Variants in GAB4 observed in about 807,000 individuals in gnomAD.
GAB4 encodes GRB2 associated binding protein family member 4, also known as GRB2-associated-binding protein 4.
GAB4 carries 26 observed loss-of-function variants against 51.3 expected under a neutral mutation model. The observed-to-expected ratio is 0.51, with a 90% CI of 0.37 to 0.70. The LOEUF (loss-of-function observed/expected upper bound fraction) is 0.70, where lower values mean the gene tolerates loss of function less well. GAB4 is among the 30% of genes least tolerant of loss of function. The probability of loss-of-function intolerance (pLI) is 0.00; values close to 1 mark genes in which losing one functional copy is unlikely to be tolerated. For synonymous variants in GAB4, 329 were observed against 291.2 expected, an observed-to-expected ratio of 1.13 and a Z score of -1.32; for missense variants, 759 against 734.6, an observed-to-expected ratio of 1.03 and a Z score of -0.38.
chr22:16,997,995 A>G (rs1200872944), intron 1 of GAB4, among the ~76,000 whole-genome samples: 19 of 152,038 alleles, frequency 1.2e-4, no homozygotes, highest in South Asian at 4.1e-4. Flanking sequence ...GTTCTGTTCC[A>G]TTGGTCTATA....
intron 3 of GAB4, among the ~76,000 whole-genome samples, chr22:16,983,953 G>A (rs892432629): frequency 2.0e-5 from 3 of 151,890 alleles, no homozygotes; most frequent in Non-Finnish European, 4.4e-5. Context: ...CTGACAAATG[G>A]GATTATATCA....
Position 16,988,105 on chromosome 22 carries a change from A to G in GAB4, c.541T>C (p.Cys181Arg), listed in dbSNP as rs2060883965. ...TCTTGGGGGAGGTGCTGATGGGAGC[A>G]GCTGGGCTCAGCTGGAGAAGAGCAG... ...GLCSSPAEPSCSHQHLPQEQE... is the reference protein window; with the variant it reads ...GLCSSPAEPSRSHQHLPQEQE... The change falls in exon 3 of 10, where the codon TGC (cysteine) becomes CGC (arginine). Residue 181 changes from cysteine to arginine, a missense_variant. By Grantham distance (180) the Cys-to-Arg change is radical. This residue lies in a region of GAB4 where 588 missense variants were observed against 510.2 expected (regional missense o/e 1.15). Coordinates refer to ENST00000400588, the MANE Select transcript of GAB4 (RefSeq NM_001037814.1). 6.2e-7 allele frequency: 1 copy of G among 1,611,560 alleles called. No individual in the cohort carries two copies.
chr22:16,962,606 G>T lies in GAB4; in HGVS notation c.*127C>A. On this transcript the variant is annotated 3_prime_UTR_variant, in exon 10 of 10. Transcript: ENST00000400588. Reference sequence around the variant, plus strand: ...ACAGGTGGGCCCCAAGCAGGCAAAGGATGTATATTGATCAGGCCTCTGCTC... The same window carrying T: ...ACAGGTGGGCCCCAAGCAGGCAAAGTATGTATATTGATCAGGCCTCTGCTC... 1 of 817,686 alleles carries T rather than the reference G, an allele frequency of 1.2e-6. No individual in the cohort carries two copies. Among genetic ancestry groups the T allele is most frequent in the Non-Finnish European group, 1.8e-6 (1 of 566,144 alleles). The allele number at this position is 817,686 out of a possible 1,614,324, so 50.7% of individuals were successfully genotyped here. A position where few individuals can be genotyped will look rare whatever the true frequency, so the allele number is the denominator to read the frequency against.
In GAB4 at chr22:16,966,173, C is replaced by T; in HGVS notation, c.1215G>A (p.Met405Ile). 6.2e-7 allele frequency: 1 copy of T among 1,613,996 alleles called. No homozygotes were observed. Among genetic ancestry groups the T allele is most frequent in the Middle Eastern group, 1.6e-4 (1 of 6,062 alleles). The stretch of plus-strand genomic sequence containing the variant: ...CATGTCCCTGGCTGAGGTCTTGGTG[C>T]ATAGAAAGCTCTGTGAGTGGGGAGC... ...LLGSPLTELSMHQDLSQGHEV... is the reference protein window; with the variant it reads ...LLGSPLTELSIHQDLSQGHEV... The change falls in exon 6 of 10, where the codon ATG (methionine) becomes ATA (isoleucine). Residue 405 changes from methionine to isoleucine, a missense_variant. Physicochemically the swap from Met to Ile is conservative, Grantham distance 10. Transcript: ENST00000400588.
At chr22:16,971,920 CCA>C (rs879630832) in intron 3 of GAB4, among the ~76,000 whole-genome samples, 1 of 152,242 alleles carries the variant, frequency 6.6e-6, no homozygotes, top group Non-Finnish European at 1.5e-5. Flanking sequence ...CTATTCCTCT[CCA>C]CACACAAGAC....
chr22:17,004,376 A>G (rs1354803731), intron 1 of GAB4, among the ~76,000 whole-genome samples: 1 of 152,200 alleles, frequency 6.6e-6, no homozygotes, highest in African/African-American at 2.4e-5. Context: ...ACACAACAAA[A>G]AAATAAAATT....
intron 1 of GAB4, among the ~76,000 whole-genome samples, chr22:16,992,843 T>C (rs1470562451): frequency 6.6e-6 from 1 of 152,096 alleles, no homozygotes; most frequent in Admixed American, 6.5e-5. Flanking sequence ...CACTTCAGCC[T>C]CCTAAGTAGC....
At chr22:16,987,895 C>T in intron 3 of GAB4, 65 bp downstream of exon 3, 1 of 1,227,224 alleles carries the variant, frequency 8.1e-7, no homozygotes, top group Non-Finnish European at 1.2e-6. Flanking sequence ...TTAAAAAAAT[C>T]AGGGACTGAA....
chr22:16,978,668 C>T (rs193091309), intron 3 of GAB4, among the ~76,000 whole-genome samples: 10 of 152,122 alleles, frequency 6.6e-5, no homozygotes, highest in Admixed American at 1.3e-4. Flanking sequence ...TGGACTCCTC[C>T]CTAACTCATT....
intron 8 of GAB4, among the ~76,000 whole-genome samples, chr22:16,964,415 A>G (rs1392318824): frequency 6.6e-6 from 1 of 152,144 alleles, no homozygotes; most frequent in Non-Finnish European, 1.5e-5. Flanking sequence ...CACGTCTCTC[A>G]CAGCCCTCAC....
intron 1 of GAB4, among the ~76,000 whole-genome samples, chr22:16,997,154 T>C (rs979544785): frequency 6.6e-6 from 1 of 152,218 alleles, no homozygotes; most frequent in African/African-American, 2.4e-5. Flanking sequence ...TTTGGGTATA[T>C]ACCCAGTAAT....
chr22:16,964,820 C>A lies in GAB4; in HGVS notation c.1422G>T (p.Thr474=). 3.1e-6 allele frequency: 5 copies of A among 1,613,912 alleles called. No homozygotes were observed. Among genetic ancestry groups the A allele is most frequent in the Non-Finnish European group, 3.4e-6 (4 of 1,179,934 alleles). The part of the protein sequence containing the change: ...DSSSSQHPIS[T]QSITNTDSED... ...CTGAGTCTGTGTTGGTGATGCTCTG[C>A]GTGGAGATGGGGTGTTGGGAGGAGC... Residue 474 remains threonine (T), a synonymous_variant, in exon 8 of 10, where the codon ACG becomes ACT. Coordinates refer to ENST00000400588, the MANE Select transcript of GAB4 (RefSeq NM_001037814.1).
chr22:16,998,256 A>G (rs1268734008), intron 1 of GAB4, among the ~76,000 whole-genome samples: 14 of 152,174 alleles, frequency 9.2e-5, no homozygotes, highest in Non-Finnish European at 2.1e-4. Context: ...TTTTCACAAT[A>G]TTGATTCTTC....
chr22:16,995,432 G>A (rs755571073), intron 1 of GAB4, among the ~76,000 whole-genome samples: 2 of 152,174 alleles, frequency 1.3e-5, no homozygotes, highest in African/African-American at 2.4e-5. Context: ...AGAGCACAGC[G>A]TATCTCCCAG....
At chr22:16,971,395 C>T (rs563387968) in intron 3 of GAB4, among the ~76,000 whole-genome samples, 1 of 152,326 alleles carries the variant, frequency 6.6e-6, no homozygotes, top group East Asian at 1.9e-4. Flanking sequence ...TGCAACTCTA[C>T]AGCCTTCGGC....
At chr22:16,981,122 G>A (rs1437619327) in intron 3 of GAB4, among the ~76,000 whole-genome samples, 5 of 151,658 alleles carry the variant, frequency 3.3e-5, no homozygotes, top group African/African-American at 7.3e-5. Context: ...AAACCTGCAC[G>A]TTCTGCACAT....
At chr22:16,964,972 T>C (rs1369816011) in intron 7 of GAB4, 110 bp from the exon 8 acceptor site, 5 of 848,988 alleles carry the variant, frequency 5.9e-6, no homozygotes. Context: ...CTCACACTGT[T>C]ACCAGATCAA....
chr22:16,972,331 C>A (rs575002711), intron 3 of GAB4, among the ~76,000 whole-genome samples: 2 of 152,320 alleles, frequency 1.3e-5, no homozygotes, highest in East Asian at 3.9e-4. Context: ...AGCCTTCCAT[C>A]TGAGTGAGCC....
At chr22:16,997,532 G>A (rs1293189539) in intron 1 of GAB4, among the ~76,000 whole-genome samples, 4 of 152,118 alleles carry the variant, frequency 2.6e-5, no homozygotes, top group Non-Finnish European at 4.4e-5. Context: ...TGTAGATTCT[G>A]GATATTAGCC....
Sources: gnomAD v4.1 joint callset for allele counts (sites outside exome capture counted in the v4.1 genomes callset) on GRCh38, gnomAD v4.1.1 for gene constraint, gnomAD v4.1.1 regional missense constraint, MANE v1.5 for transcripts, NCBI Gene and HGNC (gene_info 2026-07-23, HGNC 2026-07-21) for gene names.